The following CCDC7 variants were observed in gnomAD, a reference collection of about 807,000 sequenced individuals.
CCDC7 encodes coiled-coil domain containing 7.
In CCDC7, 183 loss-of-function variants were observed where a neutral mutation model predicts 196.9. The observed-to-expected ratio is 0.93, with a 90% CI of 0.82 to 1.05. The LOEUF (loss-of-function observed/expected upper bound fraction) is 1.05. Ranked by LOEUF, CCDC7 falls within the 50% of genes least tolerant of loss-of-function variation. The pLI is 0.00. For missense variants in CCDC7, 1,540 were observed against 1,482.2 expected, an observed-to-expected ratio of 1.04 and a Z score of -0.64; for synonymous variants, 525 against 484.6, an observed-to-expected ratio of 1.08 and a Z score of -1.10.
At chr10:32,575,410 G>A (rs1298433150) in intron 16 of CCDC7, among the ~76,000 whole-genome samples, 1 of 152,126 alleles carries the variant, frequency 6.6e-6, no homozygotes, top group Non-Finnish European at 1.5e-5. Flanking sequence ...TGCAATCCAG[G>A]AAGCAATAGA....
At chr10:32,706,252 A>G (rs1591831156) in intron 24 of CCDC7, among the ~76,000 whole-genome samples, 1 of 152,282 alleles carries the variant, frequency 6.6e-6, no homozygotes, top group East Asian at 1.9e-4. Flanking sequence ...GCAGAAATAA[A>G]TATGTTCTTT....
intron 18 of CCDC7, among the ~76,000 whole-genome samples, chr10:32,593,627 C>T (rs1222130781): frequency 2.0e-5 from 3 of 152,118 alleles, no homozygotes; most frequent in African/African-American, 7.2e-5. Context: ...CTTGCCCATG[C>T]CTATTTCCTG....
intron 28 of CCDC7, among the ~76,000 whole-genome samples, chr10:32,768,124 ATTAT>A (rs1263303622): frequency 2.0e-5 from 3 of 152,094 alleles, no homozygotes. Context: ...TTTAAATAAC[ATTAT>A]TTAAATATTA....
At chr10:32,616,959 T>A (rs2062844360) in intron 18 of CCDC7, among the ~76,000 whole-genome samples, 1 of 144,742 alleles carries the variant, frequency 6.9e-6, no homozygotes, top group Non-Finnish European at 1.6e-5. Context: ...ATTTCATTTA[T>A]TGATTTGATA....
chr10:32,558,959 C>T lies in CCDC7; in HGVS notation c.1135-6599C>T, dbSNP rs557477361. On this transcript the variant is annotated intron_variant, in intron 13 of 41. Coordinates refer to ENST00000639629, the Ensembl canonical transcript of CCDC7. ...CAGCACCTGGAAATCAGGTCACTCCCGCCCTAATACTGTGGTTTTCCAACA... is the reference window on the plus strand; with the variant it reads ...CAGCACCTGGAAATCAGGTCACTCCTGCCCTAATACTGTGGTTTTCCAACA... Among the ~76,000 whole-genome samples the T allele has an allele frequency of 8.7e-4, 132 of 152,286 alleles. 1 individual carries two copies. Among genetic ancestry groups the T allele is most frequent in the Middle Eastern group, 3.4e-3 (1 of 292 alleles).
chr10:32,610,994 C>T (rs2062064425), intron 18 of CCDC7, among the ~76,000 whole-genome samples: 2 of 152,288 alleles, frequency 1.3e-5, no homozygotes, highest in South Asian at 4.1e-4. Flanking sequence ...TGAGGAATTG[C>T]CACACTGTCT....
intron 29 of CCDC7, among the ~76,000 whole-genome samples, chr10:32,783,545 T>C (rs2081366148): frequency 6.6e-6 from 1 of 152,230 alleles, no homozygotes; most frequent in Non-Finnish European, 1.5e-5. Flanking sequence ...GGAACTTTTG[T>C]AAATTGTTCA....
At chr10:32,714,787 G>A (rs1001095684) in intron 25 of CCDC7, among the ~76,000 whole-genome samples, 2 of 152,164 alleles carry the variant, frequency 1.3e-5, no homozygotes, top group African/African-American at 2.4e-5. Flanking sequence ...TGGGAAGTTC[G>A]AATTCGGTGC....
At chr10:32,565,340 T>C (rs1467405723) in intron 13 of CCDC7, among the ~76,000 whole-genome samples, 1 of 152,226 alleles carries the variant, frequency 6.6e-6, no homozygotes, top group Non-Finnish European at 1.5e-5. Flanking sequence ...ACTGCAATTG[T>C]AATTTCCCCG....
At chr10:32,601,548 C>A (rs894398646) in intron 18 of CCDC7, among the ~76,000 whole-genome samples, 1 of 152,096 alleles carries the variant, frequency 6.6e-6, no homozygotes, top group African/African-American at 2.4e-5. Context: ...AGAGGTGAAG[C>A]CAGCTGGACT....
intron 21 of CCDC7, among the ~76,000 whole-genome samples, chr10:32,685,357 C>T (rs1003421798): frequency 6.6e-6 from 1 of 152,068 alleles, no homozygotes; most frequent in African/African-American, 2.4e-5. Context: ...TTATAGCAAG[C>T]TTGTCCAACC....
intron 28 of CCDC7, among the ~76,000 whole-genome samples, chr10:32,738,415 G>T (rs186779278): frequency 1.2e-3 from 187 of 149,654 alleles, no homozygotes; most frequent in Non-Finnish European, 2.1e-3. Flanking sequence ...TTATTATTAT[G>T]AATAGTCTGT....
chr10:32,502,097 C>T (rs1320987381), intron 9 of CCDC7, among the ~76,000 whole-genome samples: 2 of 152,174 alleles, frequency 1.3e-5, no homozygotes, highest in Non-Finnish European at 2.9e-5. Flanking sequence ...TCGAGTATCC[C>T]AGGTTGACCT....
At chr10:32,746,645 C>T (rs972997739) in intron 28 of CCDC7, among the ~76,000 whole-genome samples, 1 of 152,214 alleles carries the variant, frequency 6.6e-6, no homozygotes, top group Non-Finnish European at 1.5e-5. Context: ...CTACTTGCAA[C>T]ACAGTCTCCA....
intron 28 of CCDC7, among the ~76,000 whole-genome samples, chr10:32,762,581 A>T (rs1366847127): frequency 2.6e-5 from 4 of 151,712 alleles, no homozygotes; most frequent in African/African-American, 9.7e-5. Context: ...CTGGTTTCAA[A>T]TTGTATTACA....
chr10:32,847,397 T>A (rs2093345885), intron 37 of CCDC7, among the ~76,000 whole-genome samples: 1 of 152,202 alleles, frequency 6.6e-6, no homozygotes, highest in Non-Finnish European at 1.5e-5. Flanking sequence ...GAGTTCCAGG[T>A]GTTGGACCTA....
At position 32,452,459 on chromosome 10, in the gene CCDC7, C is replaced by T. The variant is rs2033319576; in HGVS notation, c.279+538C>T. Among the ~76,000 whole-genome samples the T allele has an allele frequency of 2.0e-5, 3 of 152,192 alleles. 1 individual carries two copies. In the South Asian group the frequency reaches 6.2e-4, roughly 31 times the overall value. The stretch of plus-strand genomic sequence containing the variant: ...AAACTCTGCATTTCAGAAACTTTAG[C>T]TCTTTTTTCGTTTCTTGAGATGAAG... On this transcript the variant is annotated intron_variant, in intron 1 of 41. Transcript: ENST00000639629.
At chr10:32,845,610 A>G (rs779333576) in exon 35 of CCDC7, 2 of 1,612,024 alleles carry the variant, frequency 1.2e-6, no homozygotes, top group Non-Finnish European at 8.5e-7. Flanking sequence ...CCACGACACA[A>G]TTAAAAAGTC....
At chr10:32,606,406 G>T (rs1184333767) in intron 18 of CCDC7, among the ~76,000 whole-genome samples, 2 of 152,194 alleles carry the variant, frequency 1.3e-5, no homozygotes, top group African/African-American at 4.8e-5. Flanking sequence ...TGGAGTTATG[G>T]GAAGGGGCAC....
Sources: allele counts gnomAD v4.1 joint callset (sites outside exome capture counted in the v4.1 genomes callset), GRCh38; gene constraint gnomAD v4.1.1; transcripts MANE v1.5; gene names NCBI Gene and HGNC (gene_info 2026-07-23, HGNC 2026-07-21).